Variants in PPP2R2A observed in about 807,000 individuals in gnomAD.
PPP2R2A encodes serine/threonine-protein phosphatase 2A 55 kDa regulatory subunit B alpha isoform.
In PPP2R2A, 9 loss-of-function variants were observed where a neutral mutation model predicts 53.2. The observed-to-expected ratio is 0.17, with a 90% CI of 0.10 to 0.30. The LOEUF (loss-of-function observed/expected upper bound fraction) is 0.30, where lower values mean the gene tolerates loss of function less well. Ranked by LOEUF, PPP2R2A falls within the 10% of genes least tolerant of loss-of-function variation. PPP2R2A has a pLI of 1.00. For missense variants in PPP2R2A, 235 were observed against 534.6 expected (o/e 0.44, Z 5.53); for synonymous variants, 169 against 174.2 (o/e 0.97, Z 0.23).
chr8:26,332,075 G>A (rs1563303488), intron 2 of PPP2R2A, among the ~76,000 whole-genome samples: 1 of 152,092 alleles, frequency 6.6e-6, no homozygotes, highest in Non-Finnish European at 1.5e-5. Context: ...ACTTAAACAG[G>A]CCAGACGCAG....
intron 2 of PPP2R2A, among the ~76,000 whole-genome samples, chr8:26,315,014 T>C (rs1424459301): frequency 6.6e-6 from 1 of 152,032 alleles, no homozygotes; most frequent in Non-Finnish European, 1.5e-5. Context: ...TTTTGCTCTT[T>C]GGAAATAATG....
chr8:26,326,922 A>C lies in PPP2R2A; in HGVS notation c.83-11968A>C, dbSNP rs537924607. Among the ~76,000 whole-genome samples the C allele has an allele frequency of 1.2e-4, 18 of 152,350 alleles. 1 individual carries two copies. The South Asian group carries it at 3.7e-3, about 32-fold the overall frequency. ...ACCACACCTATAGACTAAATGTATT[A>C]GCAGCTGTTTATCTTTCTGTTCTTG... On this transcript the variant is annotated intron_variant, in intron 2 of 9. Coordinates refer to ENST00000380737, the MANE Select transcript of PPP2R2A (RefSeq NM_002717.4).
rs1181417915 is a variant in PPP2R2A at position 26,354,087 on chromosome 8, T to C, written c.181-381T>C. Among the ~76,000 whole-genome samples the C allele has an allele frequency of 6.6e-6, 1 of 152,180 alleles. No homozygotes were observed. The highest frequency in any genetic ancestry group is 1.5e-5 in the Non-Finnish European group (1 of 68,034). On this transcript the variant is annotated intron_variant, in intron 3 of 9. Coordinates refer to ENST00000380737, the MANE Select transcript of PPP2R2A (RefSeq NM_002717.4). This position sits in a 1 kb window ranked among gnomAD's most constrained non-coding sequence, Gnocchi z 4.6. ...AGGAAGAAGGTGTGCCTCACCTAGC[T>C]CTTTCTGGGCAAGACTTTATCATTA...
chr8:26,309,438 C>G (rs1563287591), intron 2 of PPP2R2A, among the ~76,000 whole-genome samples: 1 of 152,124 alleles, frequency 6.6e-6, no homozygotes, highest in Non-Finnish European at 1.5e-5. Context: ...GATTTGGGCC[C>G]TAGAATTCAG....
intron 2 of PPP2R2A, among the ~76,000 whole-genome samples, chr8:26,298,294 A>C (rs898737130): frequency 6.6e-6 from 1 of 151,950 alleles, no homozygotes; most frequent in African/African-American, 2.4e-5. Flanking sequence ...CTACCTCCCC[A>C]CTCCTTAATC....
In PPP2R2A at chr8:26,363,827, A is replaced by G; in HGVS notation, c.909A>G (p.Arg303=). 1.9e-6 allele frequency: 3 copies of G among 1,606,944 alleles called. No homozygotes were observed. Among genetic ancestry groups the G allele is most frequent in the Non-Finnish European group, 2.6e-6 (3 of 1,175,016 alleles). The stretch of plus-strand genomic sequence containing the variant: ...ATAGTGGTCGATATATGATGACTAG[A>G]GACTATTTGTCAGTCAAAATTTGGG... ...FSHSGRYMMT[R]DYLSVKIWDL... The change falls in exon 8 of 10, where the codon AGA becomes AGG. Residue 303 remains arginine (R), a synonymous_variant. Coordinates refer to ENST00000380737, the MANE Select transcript of PPP2R2A (RefSeq NM_002717.4).
chr8:26,311,560 T>C (rs1176981055), intron 2 of PPP2R2A, among the ~76,000 whole-genome samples: 2 of 152,252 alleles, frequency 1.3e-5, no homozygotes, highest in Admixed American at 6.5e-5. Context: ...TCCCAGTTAA[T>C]TGGGAGGCTG....
At position 26,370,669 on chromosome 8, in the gene PPP2R2A, C is replaced by G; in HGVS notation, c.*256C>G. The stretch of plus-strand genomic sequence containing the variant: ...TAAATGACTTCTTGCACCATCTTGC[C>G]TAATGGACTAGATTGGACTGTATCA... On this transcript the variant is annotated 3_prime_UTR_variant, in exon 10 of 10. Coordinates refer to ENST00000380737, the MANE Select transcript of PPP2R2A (RefSeq NM_002717.4). This position sits in a 1 kb window ranked among gnomAD's most constrained non-coding sequence, Gnocchi z 6.1. The G allele has an allele frequency of 2.0e-6, 1 of 507,994 alleles. No homozygotes were observed. Among genetic ancestry groups the G allele is most frequent in the Non-Finnish European group, 3.6e-6 (1 of 279,450 alleles). The allele number at this position is 507,994 out of a possible 1,614,324, so 31.5% of individuals were successfully genotyped here. A position where few individuals can be genotyped will look rare whatever the true frequency, so the allele number is the denominator to read the frequency against.
chr8:26,316,063 G>T (rs1315145076), intron 2 of PPP2R2A, among the ~76,000 whole-genome samples: 1 of 151,516 alleles, frequency 6.6e-6, no homozygotes, highest in African/African-American at 2.4e-5. Flanking sequence ...GGAGTACAAC[G>T]GTGCGACCTC....
In PPP2R2A at chr8:26,370,253, G is replaced by A. The variant is rs1156865630; in HGVS notation, c.1184G>A (p.Arg395His). The change falls in exon 10 of 10, where the codon CGC becomes CAC. Residue 395 changes from arginine to histidine, a missense_variant. Transcript: ENST00000380737. This position sits in a 1 kb window ranked among gnomAD's most constrained non-coding sequence, Gnocchi z 6.1. ...AAGCCTCGCACAGTTCTGAAGCCTC[G>A]CAAAGTCTGTGCAAGTGGCAAGCGA... ...NNKPRTVLKP[R>H]KVCASGKRKK... 2 of 1,614,088 alleles carry A rather than the reference G, an allele frequency of 1.2e-6. No homozygotes were observed. The highest frequency in any genetic ancestry group is 1.7e-6 in the Non-Finnish European group (2 of 1,180,008).
At position 26,360,074 on chromosome 8, in the gene PPP2R2A, TCC is replaced by T; in HGVS notation, c.347-94_347-93del. ...TAGGGTTTTTTTTTTTTTCGTGGAA[TCC>T]TTTTACGTGAAATGTGAAATAGCAT... On this transcript the variant is annotated intron_variant, in intron 4 of 9. Transcript: ENST00000380737. This position sits in a 1 kb window ranked among gnomAD's most constrained non-coding sequence, Gnocchi z 4.5. 1 of 567,814 alleles carries T rather than the reference TCC, an allele frequency of 1.8e-6. No individual in the cohort carries two copies. The allele number at this position is 567,814 out of a possible 1,614,324, so 35.2% of individuals were successfully genotyped here.
intron 2 of PPP2R2A, chr8:26,293,971 AGAT>A: frequency 2.0e-6 from 1 of 498,694 alleles, no homozygotes; most frequent in Non-Finnish European, 3.6e-6. Context: ...AAGGAGCGGT[AGAT>A]GATGAGACAT....
At chr8:26,317,555 T>C (rs902431828) in intron 2 of PPP2R2A, among the ~76,000 whole-genome samples, 2 of 152,162 alleles carry the variant, frequency 1.3e-5, no homozygotes, top group Admixed American at 6.5e-5. Flanking sequence ...TTTTAAAATA[T>C]ATGATAACTT....
At chr8:26,311,810 C>T (rs1043490505) in intron 2 of PPP2R2A, among the ~76,000 whole-genome samples, 2 of 151,980 alleles carry the variant, frequency 1.3e-5, no homozygotes, top group African/African-American at 4.8e-5. Flanking sequence ...CTGCATCTTC[C>T]CTCAAGAGTA....
Position 26,360,729 on chromosome 8 carries a change from T to C in PPP2R2A, c.460-245T>C. 1 of 440,230 alleles carries C rather than the reference T, an allele frequency of 2.3e-6. No individual in the cohort carries two copies. The highest frequency in any genetic ancestry group is 4.8e-5 in the South Asian group (1 of 21,024). The allele number at this position is 440,230 out of a possible 1,614,324, so 27.3% of individuals were successfully genotyped here. On this transcript the variant is annotated intron_variant, in intron 5 of 9. Coordinates refer to ENST00000380737, the MANE Select transcript of PPP2R2A (RefSeq NM_002717.4). The surrounding 1 kb of genome is among the most constrained non-coding windows in gnomAD (Gnocchi z 4.5). Reference sequence around the variant, plus strand: ...CTTGGCATGTCTTTCAAGCAAAATATTGAAACTAAGAACTGCAAATTCTAA... The same window carrying C: ...CTTGGCATGTCTTTCAAGCAAAATACTGAAACTAAGAACTGCAAATTCTAA...
chr8:26,336,172 C>T (rs778259544), intron 2 of PPP2R2A, among the ~76,000 whole-genome samples: 3 of 152,036 alleles, frequency 2.0e-5, no homozygotes, highest in Non-Finnish European at 4.4e-5. Flanking sequence ...GCTTGTAATC[C>T]CAGCACTTTG....
At chr8:26,334,572 C>G (rs568276510) in intron 2 of PPP2R2A, among the ~76,000 whole-genome samples, 4 of 151,924 alleles carry the variant, frequency 2.6e-5, no homozygotes, top group Non-Finnish European at 5.9e-5. Context: ...GGTGAAACCC[C>G]GCCTCTACTA....
intron 3 of PPP2R2A, among the ~76,000 whole-genome samples, chr8:26,350,439 C>G (rs2117366973): frequency 6.6e-6 from 1 of 152,088 alleles, no homozygotes; most frequent in African/African-American, 2.4e-5. Flanking sequence ...TCTTTGTTGC[C>G]CAGGTTGGAG....
chr8:26,337,496 G>A (rs1803724150), intron 2 of PPP2R2A, among the ~76,000 whole-genome samples: 1 of 152,134 alleles, frequency 6.6e-6, no homozygotes, highest in South Asian at 2.1e-4. Context: ...TTAAGTGCAG[G>A]GACTTTGTAT....
Sources: gnomAD v4.1 joint callset for allele counts (sites outside exome capture counted in the v4.1 genomes callset) on GRCh38, gnomAD v4.1.1 for gene constraint, Gnocchi (gnomAD v3.1) non-coding constraint, MANE v1.5 for transcripts, NCBI Gene and HGNC (gene_info 2026-07-23, HGNC 2026-07-21) for gene names.